The following PCDHGA11 variants were observed in gnomAD, a reference collection of about 807,000 sequenced individuals.
The protein encoded by PCDHGA11 is protocadherin gamma subfamily A, 11, also known as protocadherin gamma-A11.
A neutral mutation model predicts 60.4 loss-of-function variants in PCDHGA11; 39 were observed. The ratio of observed to expected loss-of-function variants is 0.65; its 90% CI spans 0.50 to 0.84. The LOEUF (loss-of-function observed/expected upper bound fraction) is 0.84. PCDHGA11 is among the 40% of genes least tolerant of loss of function. The pLI is 0.00. For missense variants in PCDHGA11, 1,165 were observed against 1,197.7 expected, an observed-to-expected ratio of 0.97 and a Z score of 0.40; for synonymous variants, 533 against 510.3, an observed-to-expected ratio of 1.04 and a Z score of -0.60.
chr5:141,490,257 T>C lies in PCDHGA11; in HGVS notation c.2434-4550T>C, dbSNP rs2099697852. On this transcript the variant is annotated intron_variant, in intron 1 of 3. Coordinates refer to ENST00000398587, the MANE Select transcript of PCDHGA11 (RefSeq NM_018914.3). The surrounding 1 kb of genome is among the most constrained non-coding windows in gnomAD (Gnocchi z 5.4). ...AGGGCCACTGTGTGATTCAAGTGGATGTGGGGGATGTCAATGACAATGCCC... is the reference window on the plus strand; with the variant it reads ...AGGGCCACTGTGTGATTCAAGTGGACGTGGGGGATGTCAATGACAATGCCC... The C allele has an allele frequency of 6.2e-7, 1 of 1,614,208 alleles. No individual in the cohort carries two copies. Among genetic ancestry groups the C allele is most frequent in the South Asian group, 1.1e-5 (1 of 91,078 alleles).
In PCDHGA11 at chr5:141,477,292, A is replaced by G; in HGVS notation, c.2434-17515A>G. The G allele has an allele frequency of 1.2e-6, 2 of 1,614,114 alleles. No individual in the cohort carries two copies. The highest frequency in any genetic ancestry group is 4.5e-5 in the East Asian group (2 of 44,862). On this transcript the variant is annotated intron_variant, in intron 1 of 3. Transcript: ENST00000398587. The surrounding 1 kb of genome is among the most constrained non-coding windows in gnomAD (Gnocchi z 4.9). ...ACGGGCTGGTGACCTGCGAAGTTCCACCGGGTCTCCCTTTCAGCCTTACTT... is the reference window on the plus strand; with the variant it reads ...ACGGGCTGGTGACCTGCGAAGTTCCGCCGGGTCTCCCTTTCAGCCTTACTT...
intron 1 of PCDHGA11, among the ~76,000 whole-genome samples, chr5:141,464,019 C>A (rs1285414825): frequency 2.0e-5 from 3 of 151,984 alleles, no homozygotes; most frequent in African/African-American, 4.8e-5. Context: ...TAATCCCACA[C>A]TTTGGGAGGC....
rs570982273 is a variant in PCDHGA11, at chr5:141,476,764, G to T, written c.2434-18043G>T. On this transcript the variant is annotated intron_variant, in intron 1 of 3. Coordinates refer to ENST00000398587, the MANE Select transcript of PCDHGA11 (RefSeq NM_018914.3). This position sits in a 1 kb window ranked among gnomAD's most constrained non-coding sequence, Gnocchi z 7.6. ...CTAGTCTCCAGTTAGTGCTGACGGC[G>T]TTGGACGGAGGGACCCCAGCTCTCT... 1.2e-5 allele frequency: 19 copies of T among 1,613,794 alleles called. No individual in the cohort carries two copies. In the East Asian group the frequency reaches 3.8e-4, roughly 32 times the overall value.
chr5:141,424,195 A>C (rs2096804945), intron 1 of PCDHGA11: 1 of 183,680 alleles, frequency 5.4e-6, no homozygotes, highest in Non-Finnish European at 1.1e-5. Context: ...ACACACTTAT[A>C]CACGTAAGCT....
chr5:141,456,884 A>G (rs1448469695), intron 1 of PCDHGA11, among the ~76,000 whole-genome samples: 1 of 151,974 alleles, frequency 6.6e-6, no homozygotes, highest in East Asian at 1.9e-4. Flanking sequence ...AATCGCTTGA[A>G]CCCGGGAGGC....
Position 141,427,950 on chromosome 5 carries a change from A to C in PCDHGA11, c.2433+4290A>C, listed in dbSNP as rs773336611. The stretch of plus-strand genomic sequence containing the variant: ...CATGTTGGTGGGCGACCTCAATGAC[A>C]ATGTGCCGCGGGTGCTGTACCCCGC... On this transcript the variant is annotated intron_variant, in intron 1 of 3. Transcript: ENST00000398587. 7 of 1,586,816 alleles carry C rather than the reference A, an allele frequency of 4.4e-6. No individual in the cohort carries two copies. The African/African-American group carries it at 8.1e-5, about 18-fold the overall frequency.
At chr5:141,506,923 C>T (rs1414595306) in intron 3 of PCDHGA11, among the ~76,000 whole-genome samples, 4 of 152,184 alleles carry the variant, frequency 2.6e-5, no homozygotes, top group African/African-American at 9.7e-5. Context: ...ACATACTAAA[C>T]AAACTTTAGG....
chr5:141,427,726 T>G (rs2097061742), intron 1 of PCDHGA11: 1 of 1,155,034 alleles, frequency 8.7e-7, no homozygotes, highest in Non-Finnish European at 1.3e-6. Context: ...GACCTAGGGC[T>G]GAATGGCCAA....
intron 1 of PCDHGA11, among the ~76,000 whole-genome samples, chr5:141,470,068 G>A (rs1269966360): frequency 6.6e-6 from 1 of 152,240 alleles, no homozygotes; most frequent in East Asian, 1.9e-4. Flanking sequence ...GGCAGAGACT[G>A]TAGTGATCTG....
At chr5:141,427,599 C>T (rs1233253295) in intron 1 of PCDHGA11, 3 of 682,980 alleles carry the variant, frequency 4.4e-6, no homozygotes, top group South Asian at 3.0e-5. Flanking sequence ...CCTCACCCTA[C>T]GCATTGGTGA....
At chr5:141,504,135 C>G (rs758903340) in intron 2 of PCDHGA11, among the ~76,000 whole-genome samples, 215 of 152,306 alleles carry the variant, frequency 1.4e-3, no homozygotes, top group Middle Eastern at 3.4e-3. Context: ...CCCGCCAACA[C>G]TCCCCTGCAA....
intron 1 of PCDHGA11, among the ~76,000 whole-genome samples, chr5:141,460,628 G>C (rs2098993821): frequency 6.6e-6 from 1 of 151,958 alleles, no homozygotes; most frequent in African/African-American, 2.4e-5. Flanking sequence ...GACAGATACA[G>C]ATATATAACT....
chr5:141,458,597 T>C (rs940896214), intron 1 of PCDHGA11, among the ~76,000 whole-genome samples: 18 of 151,988 alleles, frequency 1.2e-4, no homozygotes, highest in Non-Finnish European at 2.4e-4. Context: ...TGGAGACGAG[T>C]CTCACTCTGT....
intron 1 of PCDHGA11, among the ~76,000 whole-genome samples, chr5:141,468,758 C>T (rs929005462): frequency 6.6e-5 from 10 of 151,684 alleles, no homozygotes; most frequent in African/African-American, 2.2e-4. Context: ...CCCAGCTACT[C>T]GGGAGGCTGA....
At chr5:141,473,039 A>G (rs1593411714) in intron 1 of PCDHGA11, among the ~76,000 whole-genome samples, 1 of 152,016 alleles carries the variant, frequency 6.6e-6, no homozygotes, top group East Asian at 1.9e-4. Context: ...GGAAGGAAAG[A>G]AAGAAAGAAG....
At chr5:141,510,509 C>G (rs146315792) in intron 3 of PCDHGA11, among the ~76,000 whole-genome samples, 13 of 152,204 alleles carry the variant, frequency 8.5e-5, no homozygotes, top group Non-Finnish European at 1.6e-4. Flanking sequence ...ACTGAGAGCC[C>G]GTGTCACAGC....
Position 141,456,380 on chromosome 5 carries a change from C to T in PCDHGA11, c.2433+32720C>T, listed in dbSNP as rs186993611. ...CCATGTGTGGTTCAGTTTACAGCAC[C>T]GTTTGGAGTTTGATTGCTTCTAGGC... is the stretch of plus-strand genomic sequence containing the variant. On this transcript the variant is annotated intron_variant, in intron 1 of 3. Coordinates refer to ENST00000398587, the MANE Select transcript of PCDHGA11 (RefSeq NM_018914.3). Among the ~76,000 whole-genome samples, 427 of 152,082 alleles carry T rather than the reference C, an allele frequency of 2.8e-3. 1 individual carries two copies. Among genetic ancestry groups the T allele is most frequent in the Non-Finnish European group, 2.7e-3 (184 of 68,004 alleles).
In PCDHGA11 at chr5:141,476,467, G is replaced by A. The variant is rs375302797; in HGVS notation, c.2434-18340G>A. On this transcript the variant is annotated intron_variant, in intron 1 of 3. Transcript: ENST00000398587. This position sits in a 1 kb window ranked among gnomAD's most constrained non-coding sequence, Gnocchi z 7.6. Reference sequence around the variant, plus strand: ...AGTTGGTAGTGGAGAACCCGCTGGAGCTGTTCAGCGTGGAAGTGGTGATCC... The same window carrying A: ...AGTTGGTAGTGGAGAACCCGCTGGAACTGTTCAGCGTGGAAGTGGTGATCC... The A allele has an allele frequency of 2.3e-5, 37 of 1,614,142 alleles. No individual in the cohort carries two copies. The African/African-American group carries it at 4.5e-4, about 20-fold the overall frequency.
chr5:141,473,362 C>A (rs2099320242), intron 1 of PCDHGA11, among the ~76,000 whole-genome samples: 1 of 152,166 alleles, frequency 6.6e-6, no homozygotes, highest in Admixed American at 6.5e-5. Context: ...AAGTGGCCAC[C>A]AAAATAGCAT....
Sources: allele counts gnomAD v4.1 joint callset (sites outside exome capture counted in the v4.1 genomes callset), GRCh38; gene constraint gnomAD v4.1.1; non-coding constraint Gnocchi (gnomAD v3.1); transcripts MANE v1.5; gene names NCBI Gene and HGNC (gene_info 2026-07-23, HGNC 2026-07-21).